Variants in HEYL observed in about 807,000 individuals in gnomAD.
HEYL encodes hes related family bHLH transcription factor with YRPW motif like, also known as hairy/enhancer-of-split related with YRPW motif-like protein.
In HEYL, 12 loss-of-function variants were observed where a neutral mutation model predicts 18.6. The observed-to-expected ratio is 0.65, with a 90% CI of 0.41 to 1.05. The LOEUF (loss-of-function observed/expected upper bound fraction) is 1.05. HEYL is among the 50% of genes least tolerant of loss of function. The probability of loss-of-function intolerance (pLI) is 0.00; values close to 1 mark genes in which losing one functional copy is unlikely to be tolerated. For synonymous variants in HEYL, 159 were observed against 179.6 expected, an observed-to-expected ratio of 0.89 and a Z score of 0.91; for missense variants, 420 against 444.7, an observed-to-expected ratio of 0.94 and a Z score of 0.50.
chr1:39,626,018 A>C lies in HEYL; in HGVS notation c.*489T>G, dbSNP rs557578449. The stretch of plus-strand genomic sequence containing the variant: ...GGAGACCTCTTTGTAGCCCCTGCTC[A>C]GTTACTATCTCCAGGAAGCGAGGCA... On this transcript the variant is annotated 3_prime_UTR_variant, in exon 5 of 5. Transcript: ENST00000372852. The C allele has an allele frequency of 6.5e-6, 1 of 154,286 alleles. No homozygotes were observed. The highest frequency in any genetic ancestry group is 6.5e-5 in the Admixed American group (1 of 15,452). 9.6% of individuals were successfully genotyped at this position (154,286 alleles called of 1,614,324 possible).
In HEYL at chr1:39,626,449, T is replaced by G. The variant is rs945970122; in HGVS notation, c.*58A>C. On this transcript the variant is annotated 3_prime_UTR_variant, in exon 5 of 5. Transcript: ENST00000372852. Reference sequence around the variant, plus strand: ...AAGCAGAAAAGGCAGTGCCCTTTTTTGGGCTCCTGGTAAAAGAACCTTCCT... The same window carrying G: ...AAGCAGAAAAGGCAGTGCCCTTTTTGGGGCTCCTGGTAAAAGAACCTTCCT... 185 of 1,412,018 alleles carry G rather than the reference T, an allele frequency of 1.3e-4. No individual in the cohort carries two copies. Among genetic ancestry groups the G allele is most frequent in the Non-Finnish European group, 1.6e-4 (176 of 1,067,986 alleles). 87.5% of individuals were successfully genotyped at this position (1,412,018 alleles called of 1,614,324 possible). A position where few individuals can be genotyped will look rare whatever the true frequency, so the allele number is the denominator to read the frequency against.
intron 1 of HEYL, chr1:39,633,011 A>G (rs1646343497): frequency 1.0e-6 from 1 of 973,962 alleles, no homozygotes; most frequent in Non-Finnish European, 1.2e-6. Flanking sequence ...CGGCTCCTGC[A>G]ACCCGATCCC....
intron 1 of HEYL, among the ~76,000 whole-genome samples, chr1:39,638,559 C>T (rs1409626798): frequency 1.3e-5 from 2 of 152,248 alleles, no homozygotes; most frequent in Non-Finnish European, 2.9e-5. Context: ...TTCTTTTCCA[C>T]TGCTGTCTTT....
At position 39,630,234 on chromosome 1, in the gene HEYL, A is replaced by C; in HGVS notation, c.306T>G (p.Gly102=). The change falls in exon 4 of 5, where the codon GGT becomes GGG. Residue 102 remains glycine (G), a synonymous_variant. Coordinates refer to ENST00000372852, the MANE Select transcript of HEYL (RefSeq NM_014571.4). ...VDHLKMLHAT[G]GTGFFDARAL... ...AGAGAAGAGCATGGGTACCTGTCCC[A>C]CCAGTGGCATGGAGCATTTTCAAGT... 1 of 1,613,790 alleles carries C rather than the reference A, an allele frequency of 6.2e-7. No homozygotes were observed. Among genetic ancestry groups the C allele is most frequent in the Non-Finnish European group, 8.5e-7 (1 of 1,179,714 alleles).
intron 3 of HEYL, 66 bp downstream of exon 3, chr1:39,631,430 T>A: frequency 7.2e-7 from 1 of 1,394,922 alleles, no homozygotes. Context: ...AGAGATGCCA[T>A]GAGAAACGAA....
At chr1:39,628,424 C>T (rs1449412251) in intron 4 of HEYL, among the ~76,000 whole-genome samples, 3 of 151,992 alleles carry the variant, frequency 2.0e-5, no homozygotes, top group Non-Finnish European at 2.9e-5. Flanking sequence ...GGATTACAGG[C>T]AACAGCCATC....
Position 39,631,484 on chromosome 1 carries a change from A to G in HEYL, c.231+12T>C. The G allele has an allele frequency of 6.2e-7, 1 of 1,612,236 alleles. No individual in the cohort carries two copies. ...CAGTATTTCCTCTAGCACAATCAGC[A>G]ATGTCACATACCTGTTTCTCAAAGG... On this transcript the variant is annotated intron_variant, in intron 3 of 4. Coordinates refer to ENST00000372852, the MANE Select transcript of HEYL (RefSeq NM_014571.4).
At chr1:39,636,627 G>C (rs116469202) in intron 1 of HEYL, among the ~76,000 whole-genome samples, 7 of 152,176 alleles carry the variant, frequency 4.6e-5, no homozygotes. Flanking sequence ...ATCCCGTCAT[G>C]TAGATCTCAG....
intron 1 of HEYL, among the ~76,000 whole-genome samples, chr1:39,638,193 A>G (rs1646370043): frequency 6.6e-6 from 1 of 152,246 alleles, no homozygotes; most frequent in African/African-American, 2.4e-5. Flanking sequence ...TGCAAGAGGA[A>G]TATCTATTAT....
At position 39,626,266 on chromosome 1, in the gene HEYL, A is replaced by C; in HGVS notation, c.*241T>G. 1 of 508,296 alleles carries C rather than the reference A, an allele frequency of 2.0e-6. No homozygotes were observed. The highest frequency in any genetic ancestry group is 3.4e-6 in the Non-Finnish European group (1 of 291,186). The allele number at this position is 508,296 out of a possible 1,614,324, so 31.5% of individuals were successfully genotyped here. ...GGTCTCTCCCAGGACTCATCTGTTCAGGTGAGAAATGGAACCAAGCCTCTG... is the reference window on the plus strand; with the variant it reads ...GGTCTCTCCCAGGACTCATCTGTTCCGGTGAGAAATGGAACCAAGCCTCTG... On this transcript the variant is annotated 3_prime_UTR_variant, in exon 5 of 5. Coordinates refer to ENST00000372852, the MANE Select transcript of HEYL (RefSeq NM_014571.4).
chr1:39,626,515 C>T lies in HEYL; in HGVS notation c.979G>A (p.Ala327Thr). 1 of 1,527,370 alleles carries T rather than the reference C, an allele frequency of 6.5e-7. No individual in the cohort carries two copies. Among genetic ancestry groups the T allele is most frequent in the Non-Finnish European group, 8.8e-7 (1 of 1,137,314 alleles). 94.6% of individuals were successfully genotyped at this position (1,527,370 alleles called of 1,614,324 possible). ...GGTGGTGAAGGGGCAGCTCAGAAAG[C>T]CCCGATTTCAGTGATTTCAGAGACC... ...SWVSEITEIG[A>T]F Residue 327 changes from alanine (A) to threonine (T), a missense_variant, in exon 5 of 5, where the codon GCT (alanine) becomes ACT (threonine). By Grantham distance (58) the Ala-to-Thr change is moderately conservative. Transcript: ENST00000372852.
chr1:39,626,875 C>T lies in HEYL; in HGVS notation c.619G>A (p.Val207Ile), dbSNP rs1376739598. ...GRVPSPVLPG[V>I]SSPAYPIPAL... ...GGGATGGGGTAAGCAGGAGAGGAGA[C>T]ACCGGGGAGGACAGGGCTGGGCACT... The change falls in exon 5 of 5, where the codon GTC (valine) becomes ATC (isoleucine). Residue 207 changes from valine (V) to isoleucine (I), a missense_variant. Physicochemically the swap from Val to Ile is conservative, Grantham distance 29. Coordinates refer to ENST00000372852, the MANE Select transcript of HEYL (RefSeq NM_014571.4). 4 of 1,596,978 alleles carry T rather than the reference C, an allele frequency of 2.5e-6. No homozygotes were observed. The highest frequency in any genetic ancestry group is 3.4e-6 in the Non-Finnish European group (4 of 1,171,074).
At chr1:39,634,939 A>AT (rs1397105026) in intron 1 of HEYL, among the ~76,000 whole-genome samples, 1 of 152,224 alleles carries the variant, frequency 6.6e-6, no homozygotes, top group Non-Finnish European at 1.5e-5. Flanking sequence ...TGTAAGCACC[A>AT]TAAAATCTAT....
At chr1:39,630,136 C>T (rs771966214) in intron 4 of HEYL, 91 bp downstream of exon 4, 22 of 1,018,920 alleles carry the variant, frequency 2.2e-5, no homozygotes, top group African/African-American at 7.9e-5. Context: ...GAGTGGGCAG[C>T]GTGTGGACTT....
At chr1:39,628,882 G>A (rs368567347) in intron 4 of HEYL, among the ~76,000 whole-genome samples, 7 of 150,334 alleles carry the variant, frequency 4.7e-5, no homozygotes, top group African/African-American at 9.9e-5. Context: ...GACTACAGGC[G>A]TGAGCCACCG....
At chr1:39,638,316 G>A (rs1646370463) in intron 1 of HEYL, among the ~76,000 whole-genome samples, 1 of 152,130 alleles carries the variant, frequency 6.6e-6, no homozygotes, top group South Asian at 2.1e-4. Flanking sequence ...ACTGGGCCTG[G>A]CTCACTGGCT....
rs1646324806 is a variant in HEYL, at chr1:39,630,169, G to A, written c.313+58C>T. ...CTTTGCTCACCAGCATATCCCCAGG[G>A]CCCAGCCTCAAAATATTTGTTGTAT... On this transcript the variant is annotated intron_variant, in intron 4 of 4. Coordinates refer to ENST00000372852, the MANE Select transcript of HEYL (RefSeq NM_014571.4). 5 of 1,476,508 alleles carry A rather than the reference G, an allele frequency of 3.4e-6. No homozygotes were observed. The African/African-American group carries it at 4.2e-5, about 12-fold the overall frequency. The allele number at this position is 1,476,508 out of a possible 1,614,324, so 91.5% of individuals were successfully genotyped here.
At chr1:39,631,730 A>G (rs1646334635) in intron 2 of HEYL, 151 bp from the exon 3 acceptor site, 1 of 661,296 alleles carries the variant, frequency 1.5e-6, no homozygotes, top group Non-Finnish European at 2.7e-6. Flanking sequence ...CAAGGCCCAG[A>G]GAAGGACAGT....
Position 39,627,199 on chromosome 1 carries a change from T to C in HEYL, c.314-19A>G, listed in dbSNP as rs1454290721. On this transcript the variant is annotated intron_variant, in intron 4 of 4. Coordinates refer to ENST00000372852, the MANE Select transcript of HEYL (RefSeq NM_014571.4). ...AAGAATCCTGCAAAGGGAGGCGTGA[T>C]GAAGGTCATGCCAGGTGTGGGGAGA... is the stretch of plus-strand genomic sequence containing the variant. 2 of 1,600,072 alleles carry C rather than the reference T, an allele frequency of 1.2e-6. No homozygotes were observed. Among genetic ancestry groups the C allele is most frequent in the Admixed American group, 1.7e-5 (1 of 59,450 alleles).
Sources: allele counts gnomAD v4.1 joint callset (sites outside exome capture counted in the v4.1 genomes callset), GRCh38; gene constraint gnomAD v4.1.1; transcripts MANE v1.5; gene names NCBI Gene and HGNC (gene_info 2026-07-23, HGNC 2026-07-21).